Variants in MYO19 observed in about 807,000 individuals in gnomAD.
The protein encoded by MYO19 is myosin XIX, also known as unconventional myosin-XIX.
A neutral mutation model predicts 129.2 loss-of-function variants in MYO19; 132 were observed. The ratio of observed to expected loss-of-function variants is 1.02; its 90% CI spans 0.89 to 1.18. The LOEUF is 1.18. Ranked by LOEUF, MYO19 falls within the 50% of genes most tolerant of loss-of-function variation. The pLI is 0.00. For missense variants in MYO19, 1,210 were observed against 1,216.7 expected (o/e 0.99, Z 0.08); for synonymous variants, 531 against 477.2 (o/e 1.11, Z -1.47).
chr17:36,528,248 C>T, intron 3 of MYO19, 46 bp from the exon 4 acceptor site: 1 of 1,537,366 alleles, frequency 6.5e-7, no homozygotes, highest in Non-Finnish European at 8.8e-7. Context: ...GTGGCTCATG[C>T]CTATAATCCC....
intron 20 of MYO19, 26 bp downstream of exon 20, chr17:36,503,924 A>T: frequency 1.3e-6 from 2 of 1,565,096 alleles, no homozygotes; most frequent in Non-Finnish European, 1.7e-6. Context: ...CTGGCCCTGC[A>T]CTGTGCCGTG....
At chr17:36,511,711 G>A (rs2142036779) in intron 11 of MYO19, among the ~76,000 whole-genome samples, 1 of 152,324 alleles carries the variant, frequency 6.6e-6, no homozygotes, top group Non-Finnish European at 1.5e-5. Context: ...GCTTCCTGAG[G>A]GGAAAGGTGG....
rs892845567 is a variant in MYO19, at chr17:36,497,539, G to A, written c.2757+727C>T. ...GGTAGTTTCTTTTTTGCTATGTCTC[G>A]TGAATTTTTCCTCTTTTCTGTAATT... is the stretch of plus-strand genomic sequence containing the variant. On this transcript the variant is annotated intron_variant, in intron 25 of 25. Transcript: ENST00000614623. The A allele has an allele frequency of 3.7e-5, 36 of 984,446 alleles. 1 individual carries two copies. In the Middle Eastern group the frequency reaches 2.1e-3, roughly 56 times the overall value. 61.0% of individuals were successfully genotyped at this position (984,446 alleles called of 1,614,324 possible).
Position 36,540,149 on chromosome 17 carries a change from G to A in MYO19, n.395+1932C>T, listed in dbSNP as rs1037022564. Among the ~76,000 whole-genome samples, 5 of 152,160 alleles carry A rather than the reference G, an allele frequency of 3.3e-5. No individual in the cohort carries two copies. In the East Asian group the frequency reaches 9.6e-4, roughly 29 times the overall value. ...TCCTCACCTACCATGCTAAGGGAAA[G>A]GAGAACCAATAAGAAAGATGAGAGT... On this transcript the variant is annotated intron_variant and non_coding_transcript_variant, in intron 2 of 2. Transcript: ENST00000610496.
chr17:36,538,142 T>C (rs2142620135), upstream of MYO19: 1 of 1,614,168 alleles, frequency 6.2e-7, no homozygotes. Flanking sequence ...TACTGGCAGC[T>C]ATTAGCCTCT....
intron 21 of MYO19, 136 bp from the exon 22 acceptor site, chr17:36,501,371 G>T: frequency 3.2e-6 from 3 of 935,568 alleles, no homozygotes; most frequent in Non-Finnish European, 3.1e-6. Context: ...TTTTCTCCTT[G>T]TTCTTCTTTT....
intron 23 of MYO19, chr17:36,500,196 A>G (rs1331673939): frequency 6.6e-6 from 1 of 152,180 alleles, no homozygotes; most frequent in Non-Finnish European, 1.5e-5. Flanking sequence ...ACACACAAAC[A>G]CACCTTAAAA....
In MYO19 at chr17:36,513,724, A is replaced by G; in HGVS notation, c.722T>C (p.Ile241Thr). 1 of 1,613,030 alleles carries G rather than the reference A, an allele frequency of 6.2e-7. No individual in the cohort carries two copies. Among genetic ancestry groups the G allele is most frequent in the Non-Finnish European group, 8.5e-7 (1 of 1,179,556 alleles). The change falls in exon 10 of 26, where the codon ATT becomes ACT. Residue 241 changes from isoleucine to threonine, a missense_variant and splice_region_variant. Transcript: ENST00000614623. ...SERNFHIFYQ[I>T]CKGASEDERL... ...CTCGTCCTCACTGGCTCCTTTGCAA[A>G]TCTGTGGAGAAGGGTAGGTGGGAGG...
intron 13 of MYO19, chr17:36,509,415 G>T (rs537656719): frequency 1.9e-6 from 1 of 514,206 alleles, no homozygotes; most frequent in South Asian, 2.2e-5. Flanking sequence ...GCTGGGGAGG[G>T]AATCAGTCGA....
upstream of MYO19, chr17:36,543,548 T>C (rs1379934179): frequency 6.6e-6 from 1 of 152,230 alleles, no homozygotes; most frequent in African/African-American, 2.4e-5. Context: ...GACCACACAA[T>C]GTACTAAGTC....
chr17:36,536,253 G>A (rs564980230), upstream of MYO19, among the ~76,000 whole-genome samples: 53 of 152,264 alleles, frequency 3.5e-4, no homozygotes, highest in Admixed American at 3.1e-3. Flanking sequence ...GCAGCCTGGG[G>A]ATCCAGAAAT....
At chr17:36,508,379 T>C (rs531912653) in intron 14 of MYO19, 49 of 157,498 alleles carry the variant, frequency 3.1e-4, no homozygotes, top group Non-Finnish European at 6.0e-4. Context: ...TTTCCTCCTA[T>C]AACTGACTGT....
At chr17:36,525,375 G>T in intron 5 of MYO19, 34 bp from the exon 6 acceptor site, 2 of 1,456,744 alleles carry the variant, frequency 1.4e-6, no homozygotes, top group South Asian at 2.3e-5. Context: ...TCATGTGAGG[G>T]AATGCCTGTT....
At chr17:36,507,191 A>C in intron 16 of MYO19, 52 bp from the exon 17 acceptor site, 3 of 1,572,356 alleles carry the variant, frequency 1.9e-6, no homozygotes, top group Non-Finnish European at 2.6e-6. Context: ...GTCTCACCAC[A>C]ACCCTCACTG....
chr17:36,542,008 A>G (rs1426368689), intron 2 of MYO19: 3 of 152,178 alleles, frequency 2.0e-5, no homozygotes, highest in Non-Finnish European at 4.4e-5. Flanking sequence ...ATTATATTGT[A>G]TGGTATTAGA....
At chr17:36,509,530 C>G (rs2072167696) in intron 13 of MYO19, 3 of 224,140 alleles carry the variant, frequency 1.3e-5, no homozygotes, top group Non-Finnish European at 2.7e-5. Flanking sequence ...CTGCAAAACT[C>G]TACCGGTGGA....
chr17:36,528,280 G>A (rs964216024), intron 3 of MYO19, 78 bp from the exon 4 acceptor site: 13 of 1,444,026 alleles, frequency 9.0e-6, no homozygotes, highest in Admixed American at 4.1e-5. Context: ...AGGCCAAGGC[G>A]GGCAGGACAC....
chr17:36,510,699 G>C (rs1338099167), intron 13 of MYO19, 47 bp downstream of exon 13: 16 of 1,533,298 alleles, frequency 1.0e-5, no homozygotes, highest in African/African-American at 1.4e-5. Flanking sequence ...GACAGGAAGA[G>C]CACTTGTCGG....
chr17:36,508,922 T>C (rs2072114719), intron 14 of MYO19, 140 bp downstream of exon 14: 2 of 703,194 alleles, frequency 2.8e-6, no homozygotes, highest in African/African-American at 1.8e-5. Flanking sequence ...CGCTCTATGC[T>C]GGCAGGCAGA....
Sources: allele counts gnomAD v4.1 joint callset (sites outside exome capture counted in the v4.1 genomes callset), GRCh38; gene constraint gnomAD v4.1.1; transcripts MANE v1.5; gene names NCBI Gene and HGNC (gene_info 2026-07-23, HGNC 2026-07-21).